The following FRMPD4 variants were observed in gnomAD, a reference collection of about 807,000 sequenced individuals.
The protein encoded by FRMPD4 is FERM and PDZ domain containing 4.
Under a neutral mutation model 94.1 loss-of-function variants are expected in FRMPD4, and 22 were observed. That is an observed-to-expected ratio of 0.23 (90% CI 0.17 to 0.33). The LOEUF is 0.33. FRMPD4 is among the 10% of genes least tolerant of loss of function. The pLI, the probability that FRMPD4 is intolerant of heterozygous loss-of-function variation, is 1.00. For missense variants in FRMPD4, 1,111 were observed against 1,339.9 expected, an observed-to-expected ratio of 0.83 and a Z score of 2.67; for synonymous variants, 631 against 548.6, an observed-to-expected ratio of 1.15 and a Z score of -2.10.
At chrX:12,523,130 CT>C (rs1569314072) in intron 2 of FRMPD4, among the ~76,000 whole-genome samples, 1 of 112,297 alleles carries the variant, frequency 8.9e-6, no homozygotes, top group African/African-American at 3.2e-5. Context: ...AACTGTCCCC[CT>C]GACATAGCTT....
At chrX:12,551,171 C>T (rs1340047627) in intron 2 of FRMPD4, among the ~76,000 whole-genome samples, 1 of 110,478 alleles carries the variant, frequency 9.1e-6, no homozygotes, top group East Asian at 2.8e-4. Flanking sequence ...TGAAAAACTG[C>T]AAACATAAAC....
At chrX:12,163,218 G>A (rs1376834224) in intron 1 of FRMPD4, among the ~76,000 whole-genome samples, 1 of 110,742 alleles carries the variant, frequency 9.0e-6, no homozygotes, top group Non-Finnish European at 1.9e-5. Context: ...GATATCCAGG[G>A]TCTAATGATA....
At chrX:12,708,247 G>A (rs190684739) in intron 13 of FRMPD4, among the ~76,000 whole-genome samples, 289 of 110,450 alleles carry the variant, frequency 2.6e-3, no homozygotes, top group African/African-American at 8.8e-3. Context: ...CGAGGCGGGC[G>A]GATCACGAGG....
chrX:12,543,662 T>G (rs963971863), intron 2 of FRMPD4, among the ~76,000 whole-genome samples: 2 of 111,971 alleles, frequency 1.8e-5, no homozygotes, highest in Non-Finnish European at 3.8e-5. Context: ...GTTCAACCAT[T>G]GTGGAAGACA....
intron 3 of FRMPD4, among the ~76,000 whole-genome samples, chrX:11,983,616 G>T (rs766013787): frequency 1.1e-3 from 123 of 110,834 alleles, no homozygotes; most frequent in Admixed American, 3.9e-4. Flanking sequence ...TATATTTAAG[G>T]TCATACAGAG....
intron 3 of FRMPD4, among the ~76,000 whole-genome samples, chrX:11,949,800 C>T (rs1336999839): frequency 4.5e-5 from 5 of 111,064 alleles, no homozygotes; most frequent in Non-Finnish European, 9.4e-5. Flanking sequence ...CAGTGAGTTG[C>T]CCGATGGTTG....
intron 13 of FRMPD4, among the ~76,000 whole-genome samples, chrX:12,709,940 C>G (rs996046907): frequency 9.0e-6 from 1 of 110,607 alleles, no homozygotes; most frequent in African/African-American, 3.3e-5. Flanking sequence ...ACAGCCTGGC[C>G]AACATGGTGA....
At chrX:12,048,079 T>G (rs2054795995) in intron 3 of FRMPD4, among the ~76,000 whole-genome samples, 1 of 112,744 alleles carries the variant, frequency 8.9e-6, no homozygotes, top group African/African-American at 3.2e-5. Flanking sequence ...TCTCCAAACT[T>G]CTTTTCACAA....
At chrX:12,477,545 C>T (rs1031034449) in intron 1 of FRMPD4, among the ~76,000 whole-genome samples, 2 of 112,446 alleles carry the variant, frequency 1.8e-5, no homozygotes, top group African/African-American at 6.5e-5. Flanking sequence ...GGGCAGACAT[C>T]GGTCTTTTCA....
intron 1 of FRMPD4, among the ~76,000 whole-genome samples, chrX:12,376,829 G>A (rs1280826609): frequency 8.9e-6 from 1 of 112,721 alleles, no homozygotes; most frequent in Non-Finnish European, 1.9e-5. Context: ...ATCTGCATAA[G>A]CCCTGGTTAA....
At chrX:12,533,396 C>A (rs959999558) in intron 2 of FRMPD4, among the ~76,000 whole-genome samples, 1 of 111,689 alleles carries the variant, frequency 9.0e-6, no homozygotes, top group African/African-American at 3.3e-5. Flanking sequence ...TAAATTGGTA[C>A]CAGGAGAGTG....
At chrX:12,682,918 A>G (rs1481804040) in intron 5 of FRMPD4, among the ~76,000 whole-genome samples, 1 of 112,211 alleles carries the variant, frequency 8.9e-6, no homozygotes, top group African/African-American at 3.2e-5. Flanking sequence ...CAAGTTACCA[A>G]GAAGAGGCTA....
chrX:12,388,052 C>G (rs1213901684), intron 1 of FRMPD4, among the ~76,000 whole-genome samples: 1 of 108,954 alleles, frequency 9.2e-6, no homozygotes, highest in Non-Finnish European at 1.9e-5. Flanking sequence ...TACTGTCATA[C>G]AGTATGGTGA....
chrX:12,337,971 C>T (rs1452345384), intron 1 of FRMPD4, among the ~76,000 whole-genome samples: 1 of 112,092 alleles, frequency 8.9e-6, no homozygotes, highest in African/African-American at 3.2e-5. Context: ...AAAGTGCCAA[C>T]AGACTGGGTG....
In FRMPD4 at chrX:12,691,293, G is replaced by GTTTTGT. The variant is rs750081864; in HGVS notation, c.813+971_813+972insGTTTTT. ...TTGTTGTTTTGTTTTGTTTTGTTTT[G>GTTTTGT]TTTTTTTGAGACAGAGTCTCACTCT... On this transcript the variant is annotated intron_variant, in intron 8 of 16. Transcript: ENST00000675598. 9.5e-3 allele frequency among the ~76,000 whole-genome samples: 1,033 copies of GTTTTGT among 109,065 alleles called. 12 individuals are homozygous for GTTTTGT. Among genetic ancestry groups the GTTTTGT allele is most frequent in the African/African-American group, 0.033 (983 of 29,775 alleles). 94.7% of individuals were successfully genotyped at this position (109,065 alleles called of 115,157 possible). A position where few individuals can be genotyped will look rare whatever the true frequency, so the allele number is the denominator to read the frequency against.
intron 3 of FRMPD4, among the ~76,000 whole-genome samples, chrX:11,948,708 A>C (rs1475861993): frequency 8.9e-6 from 1 of 111,772 alleles, no homozygotes. Flanking sequence ...TTTTCTTTGA[A>C]AAAAAGGTCC....
intron 1 of FRMPD4, among the ~76,000 whole-genome samples, chrX:12,417,088 G>A (rs1304323150): frequency 9.0e-6 from 1 of 110,986 alleles, no homozygotes; most frequent in Non-Finnish European, 1.9e-5. Context: ...TATAGCATGA[G>A]TGCATACTCT....
intron 3 of FRMPD4, among the ~76,000 whole-genome samples, chrX:11,950,439 C>A (rs990842418): frequency 9.0e-6 from 1 of 111,530 alleles, no homozygotes; most frequent in Non-Finnish European, 1.9e-5. Flanking sequence ...GAAATGTACT[C>A]TCTTAGAAAA....
At chrX:11,923,934 T>C (rs1232698719) in intron 3 of FRMPD4, among the ~76,000 whole-genome samples, 1 of 111,756 alleles carries the variant, frequency 8.9e-6, no homozygotes, top group Non-Finnish European at 1.9e-5. Context: ...CAGGCTGAGA[T>C]TGAGACAGCT....
Sources: allele counts gnomAD v4.1 joint callset (sites outside exome capture counted in the v4.1 genomes callset), GRCh38; gene constraint gnomAD v4.1.1; transcripts MANE v1.5; gene names NCBI Gene and HGNC (gene_info 2026-07-23, HGNC 2026-07-21).